Variants in CELF4 observed in about 807,000 individuals in gnomAD.
The protein encoded by CELF4 is CUG-BP- and ETR-3-like factor 4.
In CELF4, 18 loss-of-function variants were observed where a neutral mutation model predicts 59.9. The observed-to-expected ratio is 0.30, with a 90% confidence interval of 0.21 to 0.45. CELF4 has a LOEUF of 0.45. CELF4 is among the 20% of genes least tolerant of loss of function. CELF4 has a pLI of 1.00. For missense variants in CELF4, 456 were observed against 689.0 expected (o/e 0.66, Z 3.79); for synonymous variants, 261 against 267.1 (o/e 0.98, Z 0.22).
At chr18:37,263,870 C>T (rs2076131283) in intron 10 of CELF4, among the ~76,000 whole-genome samples, 1 of 152,142 alleles carries the variant, frequency 6.6e-6, no homozygotes, top group Non-Finnish European at 1.5e-5. Context: ...GAGGGCACAG[C>T]TCCTGTGGGT....
rs1005109662 is a variant in CELF4, at chr18:37,254,751, ATG to A, written c.1334-815_1334-814del. ...GCGTTCACTCCTGTGCCCAGATGGCATGCAGAACCTTGCGGCTCCCAGGCCCA... is the reference window on the plus strand; with the variant it reads ...GCGTTCACTCCTGTGCCCAGATGGCACAGAACCTTGCGGCTCCCAGGCCCA... On this transcript the variant is annotated intron_variant, in intron 11 of 12. Coordinates refer to ENST00000420428, the MANE Select transcript of CELF4 (RefSeq NM_020180.4). This position sits in a 1 kb window ranked among gnomAD's most constrained non-coding sequence, Gnocchi z 5.1. 2.0e-5 allele frequency among the ~76,000 whole-genome samples: 3 copies of A among 152,258 alleles called. No individual in the cohort carries two copies. Among genetic ancestry groups the A allele is most frequent in the Admixed American group, 2.0e-4 (3 of 15,288 alleles).
chr18:37,516,982 G>C (rs2099951360), intron 1 of CELF4, among the ~76,000 whole-genome samples: 1 of 152,248 alleles, frequency 6.6e-6, no homozygotes, highest in African/African-American at 2.4e-5. Flanking sequence ...GCCCTGAGAG[G>C]CTGCGGGACC....
At chr18:37,534,061 C>T (rs558194078) in intron 1 of CELF4, among the ~76,000 whole-genome samples, 12 of 152,318 alleles carry the variant, frequency 7.9e-5, no homozygotes, top group Admixed American at 3.9e-4. Flanking sequence ...ATGGATTCCC[C>T]GTCTCTCATT....
intron 4 of CELF4, 110 bp from the exon 5 acceptor site, chr18:37,274,994 AAG>A: frequency 1.3e-6 from 2 of 1,532,426 alleles, no homozygotes; most frequent in Non-Finnish European, 1.8e-6. Flanking sequence ...GAGATTGAGA[AAG>A]AGACACCAAG....
chr18:37,489,329 G>T lies in CELF4; in HGVS notation c.287-3722C>A, dbSNP rs564425425. Among the ~76,000 whole-genome samples, 69 of 152,374 alleles carry T rather than the reference G, an allele frequency of 4.5e-4. 1 individual carries two copies. In the South Asian group the frequency reaches 0.014, roughly 31 times the overall value. On this transcript the variant is annotated intron_variant, in intron 1 of 12. Transcript: ENST00000420428. ...CCTGGCTGAGGGCAGAGCCCTGGGG[G>T]CATGGTGACTGTGGGGAGGGGGCTG...
At chr18:37,395,203 T>G (rs2099228359) in intron 2 of CELF4, among the ~76,000 whole-genome samples, 1 of 152,120 alleles carries the variant, frequency 6.6e-6, no homozygotes, top group Non-Finnish European at 1.5e-5. Flanking sequence ...GCTCACTTTC[T>G]CCTGCAGTCA....
intron 2 of CELF4, among the ~76,000 whole-genome samples, chr18:37,373,912 T>G (rs1304797702): frequency 6.6e-6 from 1 of 152,236 alleles, no homozygotes; most frequent in Non-Finnish European, 1.5e-5. Flanking sequence ...AGCAGCCAGA[T>G]GATCTACAGT....
chr18:37,361,861 AG>A (rs977790171), intron 2 of CELF4, among the ~76,000 whole-genome samples: 2 of 122,036 alleles, frequency 1.6e-5, no homozygotes, highest in African/African-American at 5.9e-5. Flanking sequence ...GGCATTAGGG[AG>A]GGGGGCGGGG....
In CELF4 at chr18:37,360,598, G is replaced by A. The variant is rs530738489; in HGVS notation, c.370-38717C>T. Among the ~76,000 whole-genome samples the A allele has an allele frequency of 2.7e-3, 404 of 152,326 alleles. 2 individuals are homozygous for A. Among genetic ancestry groups the A allele is most frequent in the Non-Finnish European group, 2.2e-3 (152 of 68,036 alleles). ...CCCAGATAGGTGAAATCACTTGTCCGAAGCTATGCACTGGTCTGCTCAGAG... is the reference window on the plus strand; with the variant it reads ...CCCAGATAGGTGAAATCACTTGTCCAAAGCTATGCACTGGTCTGCTCAGAG... On this transcript the variant is annotated intron_variant, in intron 2 of 12. Transcript: ENST00000420428.
At chr18:37,407,579 G>A (rs1331399928) in intron 2 of CELF4, among the ~76,000 whole-genome samples, 1 of 136,756 alleles carries the variant, frequency 7.3e-6, no homozygotes. Context: ...GTGTGTGTAT[G>A]TGTGTGGGTA....
At chr18:37,431,385 TG>T (rs1382014561) in intron 2 of CELF4, among the ~76,000 whole-genome samples, 2 of 145,960 alleles carry the variant, frequency 1.4e-5, no homozygotes, top group African/African-American at 5.1e-5. Flanking sequence ...TTTTTTTTTT[TG>T]AGATGGAGTC....
chr18:37,335,249 C>T (rs372489493), intron 2 of CELF4, among the ~76,000 whole-genome samples: 4 of 152,096 alleles, frequency 2.6e-5, no homozygotes, highest in African/African-American at 7.2e-5. Flanking sequence ...TCCTGAAACA[C>T]GCCAGGGTCT....
chr18:37,391,201 AG>A (rs1294766371), intron 2 of CELF4, among the ~76,000 whole-genome samples: 1 of 152,114 alleles, frequency 6.6e-6, no homozygotes, highest in Non-Finnish European at 1.5e-5. Flanking sequence ...TCTTGGTGAA[AG>A]GCCCCTGCCT....
chr18:37,505,074 G>A (rs2099936212), intron 1 of CELF4, among the ~76,000 whole-genome samples: 1 of 151,844 alleles, frequency 6.6e-6, no homozygotes, highest in East Asian at 1.9e-4. Context: ...GTGCCTTGGG[G>A]TTCTCTGGTT....
intron 2 of CELF4, among the ~76,000 whole-genome samples, chr18:37,453,447 C>T (rs757958429): frequency 2.0e-5 from 3 of 152,186 alleles, no homozygotes; most frequent in African/African-American, 4.8e-5. Context: ...GAGTACTGAC[C>T]GTGTGACACT....
At chr18:37,429,998 CT>C (rs950921659) in intron 2 of CELF4, among the ~76,000 whole-genome samples, 2 of 152,224 alleles carry the variant, frequency 1.3e-5, no homozygotes, top group African/African-American at 4.8e-5. Flanking sequence ...CTAGTTCCTC[CT>C]ACTGGCCACG....
At chr18:37,561,958 C>T (rs369153181) in intron 1 of CELF4, among the ~76,000 whole-genome samples, 3 of 152,152 alleles carry the variant, frequency 2.0e-5, no homozygotes, top group South Asian at 2.1e-4. Context: ...GCACTAAACT[C>T]GGTTTTCTTC....
At chr18:37,554,473 C>T (rs557555519) in intron 1 of CELF4, among the ~76,000 whole-genome samples, 3 of 152,296 alleles carry the variant, frequency 2.0e-5, no homozygotes, top group African/African-American at 7.2e-5. Context: ...GCAGCCCCAT[C>T]TCCCATTCCA....
intron 2 of CELF4, among the ~76,000 whole-genome samples, chr18:37,331,247 C>T (rs2097532592): frequency 6.6e-6 from 1 of 152,192 alleles, no homozygotes; most frequent in Non-Finnish European, 1.5e-5. Context: ...ACATGTCTCA[C>T]CATCTCCCCA....
Sources: gnomAD v4.1 joint callset for allele counts (sites outside exome capture counted in the v4.1 genomes callset) on GRCh38, gnomAD v4.1.1 for gene constraint, Gnocchi (gnomAD v3.1) non-coding constraint, MANE v1.5 for transcripts, NCBI Gene and HGNC (gene_info 2026-07-23, HGNC 2026-07-21) for gene names.